BICD1: variants seen among roughly 807,000 people sequenced by gnomAD.
BICD1 encodes BICD cargo adaptor 1.
BICD1 carries 35 observed loss-of-function variants against 92.5 expected under a neutral mutation model. That is an observed-to-expected ratio of 0.38 (90% CI 0.29 to 0.50). The LOEUF (loss-of-function observed/expected upper bound fraction) is 0.50. Ranked by LOEUF, BICD1 falls within the 20% of genes least tolerant of loss-of-function variation. The pLI is 0.93. For synonymous variants in BICD1, 429 were observed against 465.1 expected, an observed-to-expected ratio of 0.92 and a Z score of 1.00; for missense variants, 950 against 1,189.8, an observed-to-expected ratio of 0.80 and a Z score of 2.97.
intron 2 of BICD1, among the ~76,000 whole-genome samples, chr12:32,252,307 A>G (rs2728802): frequency 0.35 from 52,120 of 148,598 alleles, 9,522 homozygotes; most frequent in Non-Finnish European, 0.42. Context: ...TGGTCCTAGC[A>G]AACCAGTTTC....
chr12:32,243,157 G>A (rs894289384), intron 2 of BICD1, among the ~76,000 whole-genome samples: 3 of 151,422 alleles, frequency 2.0e-5, no homozygotes, highest in African/African-American at 7.3e-5. Context: ...GAGTGCAGTG[G>A]TACGATCTTG....
chr12:32,137,496 AAG>A (rs1404269271), intron 1 of BICD1, among the ~76,000 whole-genome samples: 3 of 152,222 alleles, frequency 2.0e-5, no homozygotes, highest in African/African-American at 7.2e-5. Flanking sequence ...ACTTTTTACA[AAG>A]AGAATCATAG....
chr12:32,142,443 A>T (rs1270125330), intron 1 of BICD1, among the ~76,000 whole-genome samples: 1 of 65,110 alleles, frequency 1.5e-5, no homozygotes, highest in Non-Finnish European at 3.1e-5. Flanking sequence ...AAAAAACCCC[A>T]CCTATCTATC....
chr12:32,128,263 G>T (rs189002422), intron 1 of BICD1, among the ~76,000 whole-genome samples: 3 of 152,300 alleles, frequency 2.0e-5, no homozygotes, highest in African/African-American at 7.2e-5. Flanking sequence ...TTTTCATAAA[G>T]TATTCAAAAA....
At chr12:32,253,381 T>C (rs2136110173) in intron 2 of BICD1, among the ~76,000 whole-genome samples, 1 of 152,318 alleles carries the variant, frequency 6.6e-6, no homozygotes, top group East Asian at 1.9e-4. Context: ...TCGTTTGACT[T>C]TAATGCCCCA....
intron 1 of BICD1, among the ~76,000 whole-genome samples, chr12:32,207,055 T>C (rs1191007667): frequency 6.6e-6 from 1 of 152,174 alleles, no homozygotes; most frequent in African/African-American, 2.4e-5. Context: ...CAGGATAGTG[T>C]TTACTTGGGG....
chr12:32,257,501 G>C (rs746799840), intron 2 of BICD1, among the ~76,000 whole-genome samples: 1 of 152,116 alleles, frequency 6.6e-6, no homozygotes, highest in Non-Finnish European at 1.5e-5. Flanking sequence ...TGTTGGTCAA[G>C]ATGGTAGTCA....
intron 1 of BICD1, among the ~76,000 whole-genome samples, chr12:32,180,642 G>T (rs924760081): frequency 1.3e-5 from 2 of 151,862 alleles, no homozygotes; most frequent in African/African-American, 4.8e-5. Context: ...GTCTTGTCAG[G>T]TTGCATTTTT....
chr12:32,182,580 G>C (rs142606988), intron 1 of BICD1, among the ~76,000 whole-genome samples: 2 of 151,676 alleles, frequency 1.3e-5, no homozygotes, highest in Non-Finnish European at 2.9e-5. Context: ...ACCATGCCCC[G>C]CTGTTTTCTA....
At chr12:32,159,919 A>G (rs1271169538) in intron 1 of BICD1, among the ~76,000 whole-genome samples, 1 of 114,044 alleles carries the variant, frequency 8.8e-6, no homozygotes. Flanking sequence ...TTCCTTCTTT[A>G]GGATGGTTTG....
At chr12:32,251,973 T>A (rs1946532750) in intron 2 of BICD1, among the ~76,000 whole-genome samples, 1 of 137,044 alleles carries the variant, frequency 7.3e-6, no homozygotes, top group African/African-American at 2.7e-5. Context: ...TTTTAAAACT[T>A]TACCACTATA....
chr12:32,328,489 G>C lies in BICD1; in HGVS notation c.2034G>C (p.Lys678Asn). The C allele has an allele frequency of 6.2e-7, 1 of 1,614,186 alleles. No homozygotes were observed. Among genetic ancestry groups the C allele is most frequent in the Non-Finnish European group, 8.5e-7 (1 of 1,180,034 alleles). The change falls in exon 5 of 10, where the codon AAG becomes AAC. Residue 678 changes from lysine to asparagine, a missense_variant. Lys to Asn is a moderately conservative substitution (Grantham distance 94). This residue lies in a region of BICD1 where 309 missense variants were observed against 499.4 expected (regional missense o/e 0.62). Coordinates refer to ENST00000652176, the MANE Select transcript of BICD1 (RefSeq NM_001714.4). The surrounding 1 kb of genome is among the most constrained non-coding windows in gnomAD (Gnocchi z 4.4). ...EALMEEILKL[K>N]SLLSTKREQI... ...TAATGGAAGAGATCCTCAAGCTAAA[G>C]TCCCTGCTGAGCACCAAACGGGAGC...
chr12:32,203,139 G>A (rs576263786), intron 1 of BICD1, among the ~76,000 whole-genome samples: 5 of 152,222 alleles, frequency 3.3e-5, no homozygotes, highest in African/African-American at 9.6e-5. Context: ...TTGATTATTC[G>A]TTCAGAAAAT....
At chr12:32,234,381 G>A (rs955915729) in intron 2 of BICD1, among the ~76,000 whole-genome samples, 19 of 151,978 alleles carry the variant, frequency 1.3e-4, no homozygotes, top group African/African-American at 2.2e-4. Context: ...GCAGATCACC[G>A]GAGGTCGGGG....
intron 4 of BICD1, among the ~76,000 whole-genome samples, chr12:32,314,776 A>G (rs1167129805): frequency 6.8e-6 from 1 of 146,952 alleles, no homozygotes; most frequent in East Asian, 2.0e-4. Context: ...TTTTTTTTTA[A>G]AAGAGATGGG....
intron 8 of BICD1, among the ~76,000 whole-genome samples, chr12:32,361,344 C>G (rs1939317720): frequency 6.6e-6 from 1 of 151,906 alleles, no homozygotes; most frequent in African/African-American, 2.4e-5. Flanking sequence ...TCATTTGAGG[C>G]CAGGAGTTCG....
At chr12:32,181,481 A>AT (rs1944272101) in intron 1 of BICD1, among the ~76,000 whole-genome samples, 1 of 151,904 alleles carries the variant, frequency 6.6e-6, no homozygotes, top group Admixed American at 6.6e-5. Context: ...GGTGCATTAT[A>AT]GTTCTGGCTA....
chr12:32,235,716 T>C (rs1254570481), intron 2 of BICD1, among the ~76,000 whole-genome samples: 2 of 151,286 alleles, frequency 1.3e-5, no homozygotes, highest in Admixed American at 1.3e-4. Context: ...TTTTTTTTTT[T>C]TTTAGACAGA....
intron 8 of BICD1, among the ~76,000 whole-genome samples, chr12:32,350,914 C>A (rs928232189): frequency 6.6e-6 from 1 of 152,160 alleles, no homozygotes; most frequent in Non-Finnish European, 1.5e-5. Flanking sequence ...ACTCTCCATA[C>A]CACAAATTTA....
Sources: gnomAD v4.1 joint callset for allele counts (sites outside exome capture counted in the v4.1 genomes callset) on GRCh38, gnomAD v4.1.1 for gene constraint, gnomAD v4.1.1 regional missense constraint, Gnocchi (gnomAD v3.1) non-coding constraint, MANE v1.5 for transcripts, NCBI Gene and HGNC (gene_info 2026-07-23, HGNC 2026-07-21) for gene names.